Variants in LRRC56 observed in about 807,000 individuals in gnomAD.
LRRC56 encodes leucine rich repeat containing 56, also known as leucine-rich repeat-containing protein 56.
LRRC56 carries 41 observed loss-of-function variants against 47.8 expected under a neutral mutation model. The ratio of observed to expected loss-of-function variants is 0.86; its 90% CI spans 0.67 to 1.11. The LOEUF (loss-of-function observed/expected upper bound fraction) is 1.11. LRRC56 is among the 50% of genes most tolerant of loss of function. LRRC56 has a pLI of 0.00. For missense variants in LRRC56, 759 were observed against 704.2 expected (o/e 1.08, Z -0.88); for synonymous variants, 387 against 311.2 (o/e 1.24, Z -2.56).
At chr11:532,697 T>C, upstream of LRRC56, 1 of 1,613,210 alleles carries the variant, frequency 6.2e-7, no homozygotes, top group Non-Finnish European at 8.5e-7. Context: ...AGGGTTCAGC[T>C]TCCGCAGCTT....
the LRRC56 span, among the ~76,000 whole-genome samples, chr11:517,200 A>G: frequency 6.6e-6 from 1 of 152,174 alleles, no homozygotes; most frequent in Admixed American, 6.5e-5. Context: ...GCTCGCCACA[A>G]CCTCTACCTT....
At chr11:513,573 C>T in the LRRC56 span, among the ~76,000 whole-genome samples, 11 of 152,182 alleles carry the variant, frequency 7.2e-5, no homozygotes, top group South Asian at 4.1e-4. Context: ...CGATAGGGTT[C>T]GAGAGGATTT....
At position 550,149 on chromosome 11, in the gene LRRC56, G is replaced by GGAGGGCAA; in HGVS notation, c.502_509dup (p.Asn170LysfsTer53). On this transcript the variant is annotated frameshift_variant, in exon 8 of 14. Coordinates refer to ENST00000270115, the MANE Select transcript of LRRC56 (RefSeq NM_198075.4). LOFTEE classifies it high-confidence loss of function. ...TGGAACAATTGGAGGTGCTGGACCT[G>GGAGGGCAA]GAGGGCAACAGCGTGGAGGACCTGG... 1.9e-6 allele frequency: 3 copies of GGAGGGCAA among 1,613,540 alleles called. No homozygotes were observed. The highest frequency in any genetic ancestry group is 1.7e-6 in the Non-Finnish European group (2 of 1,179,920).
upstream of LRRC56, chr11:535,289 CCCGCCGCCGCCGCCG>C (rs113931482): frequency 1.4e-4 from 20 of 141,270 alleles, no homozygotes; most frequent in African/African-American, 2.1e-4. Flanking sequence ...GCCCCACCCA[CCCGCCGCCGCCGCCG>C]CCGCCGCCGC....
At chr11:552,794 A>C in intron 13 of LRRC56, 92 bp downstream of exon 13, 1 of 1,078,232 alleles carries the variant, frequency 9.3e-7, no homozygotes, top group Non-Finnish European at 1.3e-6. Flanking sequence ...AGATGTGTCA[A>C]CCTGGCCCTG....
At chr11:514,942 T>G in the LRRC56 span, among the ~76,000 whole-genome samples, 1 of 152,312 alleles carries the variant, frequency 6.6e-6, no homozygotes, top group Non-Finnish European at 1.5e-5. Context: ...ACAGAGGCGG[T>G]GGAGCCCTTG....
chr11:540,104 T>C (rs1216595126), intron 3 of LRRC56, among the ~76,000 whole-genome samples: 1 of 152,210 alleles, frequency 6.6e-6, no homozygotes, highest in Non-Finnish European at 1.5e-5. Flanking sequence ...AGGTACTGCC[T>C]GAGGGTACAT....
Position 540,779 on chromosome 11 carries a change from G to A in LRRC56, c.95G>A (p.Cys32Tyr), listed in dbSNP as rs748174388. The A allele has an allele frequency of 3.1e-6, 5 of 1,609,314 alleles. No homozygotes were observed. In the East Asian group the frequency reaches 1.1e-4, roughly 36 times the overall value. ...ELSWQGLHNP[C>Y]PQSKGPGSQR... ...AGCTGGCAAGGCCTGCACAACCCCT[G>A]CCCACAGAGCAAGGGCCCTGGCAGT... Residue 32 changes from cysteine (C) to tyrosine (Y), a missense_variant, in exon 4 of 14, where the codon TGC becomes TAC. Cys to Tyr is a radical substitution (Grantham distance 194, BLOSUM62 -2). Coordinates refer to ENST00000270115, the MANE Select transcript of LRRC56 (RefSeq NM_198075.4).
At chr11:508,533 G>A in the LRRC56 span, among the ~76,000 whole-genome samples, 37 of 151,896 alleles carry the variant, frequency 2.4e-4, no homozygotes, top group Non-Finnish European at 4.4e-4. Flanking sequence ...TTGGGAGACC[G>A]AGAAGGGTGG....
At chr11:526,936 A>G in the LRRC56 span, among the ~76,000 whole-genome samples, 5 of 151,858 alleles carry the variant, frequency 3.3e-5, no homozygotes, top group African/African-American at 9.7e-5. Flanking sequence ...GACACCGTCT[A>G]AAAAAAGAAA....
chr11:519,198 G>C, the LRRC56 span, among the ~76,000 whole-genome samples: 1 of 152,244 alleles, frequency 6.6e-6, no homozygotes, highest in African/African-American at 2.4e-5. Flanking sequence ...CCCCTGAGCC[G>C]CGCGCATTCC....
chr11:509,286 C>A, the LRRC56 span, among the ~76,000 whole-genome samples: 1 of 152,230 alleles, frequency 6.6e-6, no homozygotes, highest in African/African-American at 2.4e-5. Flanking sequence ...TGGACTGGTT[C>A]TCTTGACATC....
chr11:532,486 C>A, the LRRC56 span: 1 of 1,078,778 alleles, frequency 9.3e-7, no homozygotes, highest in Admixed American at 2.2e-5. Flanking sequence ...TCTGCACCTC[C>A]TTCCTGCATC....
Position 554,700 on chromosome 11 carries a change from A to G in LRRC56, c.*424A>G. 2.3e-6 allele frequency: 1 copy of G among 437,448 alleles called. No homozygotes were observed. The highest frequency in any genetic ancestry group is 4.1e-6 in the Non-Finnish European group (1 of 244,688). The allele number at this position is 437,448 out of a possible 1,614,324, so 27.1% of individuals were successfully genotyped here. ...CCACCTCCTAGGCCGCAGTGGCCCA[A>G]GGTCCCAGCTGCTCGCCTGAGGCCG... On this transcript the variant is annotated 3_prime_UTR_variant, in exon 14 of 14. Transcript: ENST00000270115.
Position 552,576 on chromosome 11 carries a change from C to T in LRRC56, c.1189C>T (p.Pro397Ser), listed in dbSNP as rs759960965. Residue 397 changes from proline (P) to serine (S), a missense_variant, in exon 13 of 14, where the codon CCC becomes TCC. By Grantham distance (74) the Pro-to-Ser change is moderately conservative. Transcript: ENST00000270115. ...CTCCTCTCCCCACCCTAGCCCCCTCCCCTATAGGCACCCGGAGTCCCAACA... is the reference window on the plus strand; with the variant it reads ...CTCCTCTCCCCACCCTAGCCCCCTCTCCTATAGGCACCCGGAGTCCCAACA... The part of the protein sequence containing the change: ...AWREHGVRPL[P>S]YRHPESQQEG... 2 of 1,603,594 alleles carry T rather than the reference C, an allele frequency of 1.2e-6. No homozygotes were observed. The highest frequency in any genetic ancestry group is 1.1e-5 in the South Asian group (1 of 89,880).
upstream of LRRC56, chr11:533,612 C>T (rs761460872): frequency 6.2e-7 from 1 of 1,613,790 alleles, no homozygotes; most frequent in Non-Finnish European, 8.5e-7. Flanking sequence ...TGATCTGCTC[C>T]CTGAGAGGTG....
chr11:534,352 C>T (rs773131584), upstream of LRRC56: 3 of 1,566,318 alleles, frequency 1.9e-6, no homozygotes, highest in African/African-American at 1.3e-5. Flanking sequence ...GCCCGGGGTC[C>T]TCCTACAGGG....
chr11:533,181 G>A (rs1031913958), upstream of LRRC56: 13 of 1,154,008 alleles, frequency 1.1e-5, no homozygotes, highest in Middle Eastern at 5.8e-4. Context: ...AAGGACCTCC[G>A]CCTTCCCCGG....
At chr11:551,602 G>T (rs1852394950) in intron 9 of LRRC56, 49 bp from the exon 10 acceptor site, 2 of 1,515,546 alleles carry the variant, frequency 1.3e-6, no homozygotes, top group Non-Finnish European at 1.8e-6. Flanking sequence ...AGTCTGGGGG[G>T]CGCTCTCAGG....
Sources: allele counts gnomAD v4.1 joint callset (sites outside exome capture counted in the v4.1 genomes callset), GRCh38; gene constraint gnomAD v4.1.1; transcripts MANE v1.5; gene names NCBI Gene and HGNC (gene_info 2026-07-23, HGNC 2026-07-21).